The following LARS2 variants were observed in gnomAD, a reference collection of about 807,000 sequenced individuals.
LARS2 encodes the protein leucyl-tRNA synthetase 2, mitochondrial, also known as leucine--tRNA ligase, mitochondrial.
Under a neutral mutation model 116.6 loss-of-function variants are expected in LARS2, and 81 were observed. That is an observed-to-expected ratio of 0.69 (90% CI 0.58 to 0.84). The LOEUF (loss-of-function observed/expected upper bound fraction) is 0.84. LARS2 is among the 40% of genes least tolerant of loss of function. The probability of loss-of-function intolerance (pLI) is 0.00; values close to 1 mark genes in which losing one functional copy is unlikely to be tolerated. For missense variants in LARS2, 968 were observed against 1,114.5 expected (o/e 0.87, Z 1.87); for synonymous variants, 396 against 407.2 (o/e 0.97, Z 0.33).
intron 6 of LARS2, among the ~76,000 whole-genome samples, chr3:45,446,492 C>G (rs375624386): frequency 2.6e-5 from 4 of 152,180 alleles, no homozygotes; most frequent in Admixed American, 1.3e-4. Context: ...GGCAAATATT[C>G]CTCATGAATT....
chr3:45,455,515 C>G (rs1014138632), intron 7 of LARS2, among the ~76,000 whole-genome samples: 2 of 151,970 alleles, frequency 1.3e-5, no homozygotes, highest in Non-Finnish European at 2.9e-5. Flanking sequence ...TAAGTGGAAC[C>G]CTTCCAGAAC....
At chr3:45,483,671 A>G (rs1699744168) in intron 10 of LARS2, among the ~76,000 whole-genome samples, 1 of 152,108 alleles carries the variant, frequency 6.6e-6, no homozygotes, top group Admixed American at 6.5e-5. Flanking sequence ...AAGAAAAGAT[A>G]GTATGGAATC....
At chr3:45,514,207 A>C (rs1700336812) in intron 16 of LARS2, among the ~76,000 whole-genome samples, 1 of 149,588 alleles carries the variant, frequency 6.7e-6, no homozygotes, top group Admixed American at 6.7e-5. Context: ...CTCTGTCTCA[A>C]AAAAAAAAAA....
chr3:45,512,933 C>T (rs999796734), intron 15 of LARS2, among the ~76,000 whole-genome samples: 4 of 152,162 alleles, frequency 2.6e-5, no homozygotes, highest in Non-Finnish European at 4.4e-5. Flanking sequence ...AGGTGGATCA[C>T]GCCCAGCCTG....
chr3:45,463,105 G>A (rs1302095464), intron 8 of LARS2, among the ~76,000 whole-genome samples: 1 of 152,208 alleles, frequency 6.6e-6, no homozygotes. Context: ...AGGATGGATT[G>A]GAGCCTTATA....
chr3:45,482,299 T>C (rs1174120833), intron 10 of LARS2, among the ~76,000 whole-genome samples: 1 of 152,234 alleles, frequency 6.6e-6, no homozygotes, highest in Non-Finnish European at 1.5e-5. Flanking sequence ...GGGGCTATTA[T>C]GGAGATAACT....
chr3:45,456,837 C>T (rs1699220795), intron 7 of LARS2, among the ~76,000 whole-genome samples: 1 of 152,202 alleles, frequency 6.6e-6, no homozygotes, highest in Non-Finnish European at 1.5e-5. Context: ...GGTACTGCTT[C>T]TATATGTAAA....
At chr3:45,394,331 A>T in intron 2 of LARS2, 102 bp from the exon 3 acceptor site, 2 of 634,746 alleles carry the variant, frequency 3.2e-6, no homozygotes, top group Non-Finnish European at 5.6e-6. Flanking sequence ...TAAAAGTAAG[A>T]GGAAAGCACA....
At chr3:45,504,611 G>A (rs1254791965) in intron 15 of LARS2, among the ~76,000 whole-genome samples, 1 of 151,818 alleles carries the variant, frequency 6.6e-6, no homozygotes, top group African/African-American at 2.4e-5. Context: ...TGTACTTTAG[G>A]TTCTAGAATT....
intron 4 of LARS2, among the ~76,000 whole-genome samples, chr3:45,416,254 T>C (rs959992175): frequency 5.4e-5 from 8 of 147,748 alleles, no homozygotes; most frequent in African/African-American, 2.0e-4. Context: ...GACATTGTCT[T>C]GGAAAAAAAA....
chr3:45,483,018 T>C (rs1003337680), intron 10 of LARS2, among the ~76,000 whole-genome samples: 2 of 152,164 alleles, frequency 1.3e-5, no homozygotes, highest in Admixed American at 1.3e-4. Context: ...CTGCACATCC[T>C]CCATGGCCAC....
chr3:45,489,684 G>A (rs1350905468), intron 12 of LARS2, among the ~76,000 whole-genome samples: 1 of 152,158 alleles, frequency 6.6e-6, no homozygotes, highest in Non-Finnish European at 1.5e-5. Flanking sequence ...TTAGAAGTTT[G>A]AGAATACTGG....
chr3:45,437,708 A>G (rs1031281446), intron 6 of LARS2, among the ~76,000 whole-genome samples: 3 of 152,200 alleles, frequency 2.0e-5, no homozygotes, highest in African/African-American at 7.2e-5. Context: ...TTTGCCTCCT[A>G]GTGGCTGTGT....
chr3:45,495,463 G>A (rs529395707), intron 13 of LARS2: 1 of 152,316 alleles, frequency 6.6e-6, no homozygotes, highest in South Asian at 2.1e-4. Flanking sequence ...TTCCAAGTTG[G>A]TTTGTCTTCC....
intron 21 of LARS2, among the ~76,000 whole-genome samples, chr3:45,545,960 GA>G (rs1168781892): frequency 9.7e-4 from 124 of 127,972 alleles, no homozygotes; most frequent in Middle Eastern, 3.7e-3. Context: ...TGTCCTTAAG[GA>G]AAAAAAAAAA....
intron 8 of LARS2, among the ~76,000 whole-genome samples, chr3:45,464,968 G>A (rs2125713365): frequency 6.6e-6 from 1 of 152,234 alleles, no homozygotes; most frequent in Admixed American, 6.5e-5. Context: ...AGACAGGGCT[G>A]AGGGTGGCTT....
At chr3:45,408,643 A>G (rs1236377394) in intron 4 of LARS2, among the ~76,000 whole-genome samples, 1 of 152,138 alleles carries the variant, frequency 6.6e-6, no homozygotes, top group African/African-American at 2.4e-5. Context: ...GTCTTCACTA[A>G]TCTAGTTCCA....
At chr3:45,469,831 A>G (rs888790661) in intron 8 of LARS2, among the ~76,000 whole-genome samples, 1 of 152,180 alleles carries the variant, frequency 6.6e-6, no homozygotes, top group Non-Finnish European at 1.5e-5. Flanking sequence ...CCCCCACCAA[A>G]AAAAGAAATT....
intron 10 of LARS2, among the ~76,000 whole-genome samples, chr3:45,483,452 C>G (rs1443063442): frequency 6.6e-6 from 1 of 152,124 alleles, no homozygotes; most frequent in Non-Finnish European, 1.5e-5. Context: ...AGTTCGAGAC[C>G]AGCCTGGCCA....
Sources: gnomAD v4.1 joint callset for allele counts (sites outside exome capture counted in the v4.1 genomes callset) on GRCh38, gnomAD v4.1.1 for gene constraint, MANE v1.5 for transcripts, NCBI Gene and HGNC (gene_info 2026-07-23, HGNC 2026-07-21) for gene names.